Variants in TUB observed in about 807,000 individuals in gnomAD.
TUB encodes the protein TUB bipartite transcription factor.
TUB carries 33 observed loss-of-function variants against 59.7 expected under a neutral mutation model. The ratio of observed to expected loss-of-function variants is 0.55; its 90% confidence interval spans 0.42 to 0.74. The LOEUF (loss-of-function observed/expected upper bound fraction) is 0.74, where lower values mean the gene tolerates loss of function less well. TUB is among the 30% of genes least tolerant of loss of function. TUB has a pLI of 0.00. For missense variants in TUB, 659 were observed against 672.0 expected, an observed-to-expected ratio of 0.98 and a Z score of 0.21; for synonymous variants, 293 against 256.4, an observed-to-expected ratio of 1.14 and a Z score of -1.36.
chr11:8,076,754 T>G (rs1276776424), upstream of TUB: 1 of 152,258 alleles, frequency 6.6e-6, no homozygotes, highest in South Asian at 2.1e-4. Context: ...GTTTTATTCC[T>G]ATTACTTTGT....
chr11:8,056,915 A>G (rs1442115173), intron 2 of TUB, among the ~76,000 whole-genome samples: 2 of 152,084 alleles, frequency 1.3e-5, no homozygotes, highest in Non-Finnish European at 2.9e-5. Flanking sequence ...GGGAAGGGCA[A>G]GTGGGCGTTT....
At chr11:8,097,877 G>A in intron 8 of TUB, 51 bp downstream of exon 8, 1 of 1,430,520 alleles carries the variant, frequency 7.0e-7, no homozygotes, top group African/African-American at 1.4e-5. Context: ...AGGGGCAGGG[G>A]CAAGCTGTCT....
intron 1 of TUB, among the ~76,000 whole-genome samples, chr11:8,084,611 TTC>T: frequency 6.6e-6 from 1 of 152,328 alleles, no homozygotes; most frequent in African/African-American, 2.4e-5. Flanking sequence ...TGCCTGGTGT[TTC>T]TCTCACTTGG....
In TUB at chr11:8,100,630, T is replaced by G. The variant is rs563111156; in HGVS notation, c.1215+29T>G. 6.9e-6 allele frequency: 11 copies of G among 1,599,394 alleles called. No individual in the cohort carries two copies. The Admixed American group carries it at 1.8e-4, about 27-fold the overall frequency. On this transcript the variant is annotated intron_variant, in intron 10 of 11. Transcript: ENST00000299506. ...AGTGTCTACCCCTTCCTCCCCTCTT[T>G]CCCCATCATCCTAGTCTCTGCATGA...
In TUB at chr11:8,097,767, C is replaced by A. The variant is rs1368155273; in HGVS notation, c.939C>A (p.Leu313=). 1 of 1,614,120 alleles carries A rather than the reference C, an allele frequency of 6.2e-7. No homozygotes were observed. The highest frequency in any genetic ancestry group is 2.2e-5 in the East Asian group (1 of 44,876). ...KRKKSKTSNY[L]ISVDPTDLSR... ...AGAAGAGTAAAACTTCCAATTACCT[C>A]ATCTCTGTGGACCCAACAGACTTGT... is the stretch of plus-strand genomic sequence containing the variant. The change falls in exon 8 of 12, where the codon CTC becomes CTA. Residue 313 remains leucine, a synonymous_variant. Transcript: ENST00000299506.
chr11:8,019,272 CGCGGAGCCCCGA>C (rs1942381810), exon 1 of TUB: 2 of 1,251,000 alleles, frequency 1.6e-6, no homozygotes, highest in South Asian at 3.6e-5. Context: ...CGCCGCCGCC[CGCGGAGCCCCGA>C]GCGGAGCCGG....
At chr11:8,071,239 C>CT (rs1175849763) in intron 2 of TUB, among the ~76,000 whole-genome samples, 1 of 152,090 alleles carries the variant, frequency 6.6e-6, no homozygotes, top group East Asian at 1.9e-4. Flanking sequence ...CTCACCGTGC[C>CT]TTTTTCATAG....
Position 8,104,673 on chromosome 11 carries a change from A to T in TUB, c.*3054A>T, listed in dbSNP as rs1195033264. ...GAGGACACCATCCAAGAATGTTGTT[A>T]GCTTTTCAGTTCCCGCTCTGCATTG... On this transcript the variant is annotated 3_prime_UTR_variant, in exon 12 of 12. Coordinates refer to ENST00000299506, the MANE Select transcript of TUB (RefSeq NM_177972.3). 6.6e-6 allele frequency: 1 copy of T among 152,234 alleles called. No individual in the cohort carries two copies. The highest frequency in any genetic ancestry group is 1.5e-5 in the Non-Finnish European group (1 of 68,028). The allele number at this position is 152,234 out of a possible 1,614,324, so 9.4% of individuals were successfully genotyped here. A position where few individuals can be genotyped will look rare whatever the true frequency, so the allele number is the denominator to read the frequency against.
At chr11:8,041,217 T>C (rs1294300075) in intron 2 of TUB, among the ~76,000 whole-genome samples, 11 of 152,170 alleles carry the variant, frequency 7.2e-5, no homozygotes, top group African/African-American at 2.4e-4. Flanking sequence ...GTTTGGTATC[T>C]CTCTACTTCA....
At chr11:8,037,976 G>A (rs1426512909), upstream of TUB, among the ~76,000 whole-genome samples, 1 of 152,166 alleles carries the variant, frequency 6.6e-6, no homozygotes, top group Non-Finnish European at 1.5e-5. Context: ...GGAAGGTGAG[G>A]TGCATAGAAT....
intron 1 of TUB, among the ~76,000 whole-genome samples, chr11:8,023,689 C>T (rs1253459679): frequency 1.3e-5 from 2 of 152,254 alleles, no homozygotes; most frequent in Non-Finnish European, 2.9e-5. Flanking sequence ...ACAAGCCAAA[C>T]GGACTCCTCA....
At chr11:8,101,375 C>A in intron 11 of TUB, 111 bp from the exon 12 acceptor site, 1 of 1,378,808 alleles carries the variant, frequency 7.3e-7, no homozygotes, top group South Asian at 1.3e-5. Flanking sequence ...CCTGGCATCT[C>A]TGCTTCTCAC....
upstream of TUB, chr11:8,077,639 TTCCAC>T (rs1678971458): frequency 6.6e-6 from 1 of 152,222 alleles, no homozygotes; most frequent in South Asian, 2.1e-4. Flanking sequence ...TATCATCCTT[TTCCAC>T]TCTTGGGAAG....
chr11:8,094,180 A>G lies in TUB; in HGVS notation c.388A>G (p.Lys130Glu), dbSNP rs1346238460. The change falls in exon 4 of 12, where the codon AAG (lysine) becomes GAG (glutamate). Residue 130 changes from lysine (K) to glutamate (E), a missense_variant. This residue lies in a region of TUB where 321 missense variants were observed against 304.3 expected (regional missense o/e 1.05). Transcript: ENST00000299506. ...GGAARKEKKGKHKGTSGPAAL... is the reference protein window; with the variant it reads ...GGAARKEKKGEHKGTSGPAAL... ...CGCCGCTAGGAAGGAGAAGAAGGGA[A>G]AGCACAAAGGTCAGCTCACATTCTC... 6.2e-7 allele frequency: 1 copy of G among 1,612,754 alleles called. No homozygotes were observed.
exon 1 of TUB, chr11:8,038,703 T>G (rs1214253267): frequency 4.8e-6 from 7 of 1,463,806 alleles, no homozygotes; most frequent in Non-Finnish European, 6.3e-6. Flanking sequence ...CATGTCCTAA[T>G]TAATGGGTGA....
intron 1 of TUB, among the ~76,000 whole-genome samples, chr11:8,086,952 G>C (rs542183531): frequency 6.6e-6 from 1 of 152,182 alleles, no homozygotes; most frequent in Non-Finnish European, 1.5e-5. Context: ...CAGGGTCACC[G>C]AAGCCTGTGG....
upstream of TUB, among the ~76,000 whole-genome samples, chr11:8,080,430 C>T (rs992444935): frequency 1.3e-5 from 2 of 152,196 alleles, no homozygotes; most frequent in Non-Finnish European, 2.9e-5. Flanking sequence ...CCTCAGCGCG[C>T]AGAGACTTTC....
At chr11:8,095,906 T>G (rs989705140) in intron 5 of TUB, among the ~76,000 whole-genome samples, 1 of 152,194 alleles carries the variant, frequency 6.6e-6, no homozygotes, top group Non-Finnish European at 1.5e-5. Flanking sequence ...AAAGCTCCTT[T>G]TGCAAGAAGT....
At chr11:8,019,374 G>C in intron 1 of TUB, 1 of 1,245,142 alleles carries the variant, frequency 8.0e-7, no homozygotes, top group Non-Finnish European at 1.0e-6. Context: ...GCGCCCGAAG[G>C]GTGGCCCTGC....
Sources: allele counts gnomAD v4.1 joint callset (sites outside exome capture counted in the v4.1 genomes callset), GRCh38; gene constraint gnomAD v4.1.1; regional missense constraint gnomAD v4.1.1; transcripts MANE v1.5; gene names NCBI Gene and HGNC (gene_info 2026-07-23, HGNC 2026-07-21).